FGFR3: variants seen among roughly 807,000 people sequenced by gnomAD.
FGFR3 encodes fibroblast growth factor receptor 3, also known as FGFR-3.
In FGFR3, 25 loss-of-function variants were observed where a neutral mutation model predicts 82.9. The observed-to-expected ratio is 0.30, with a 90% CI of 0.22 to 0.42. The LOEUF is 0.42. Ranked by LOEUF, FGFR3 falls within the 10% of genes least tolerant of loss-of-function variation. The pLI is 1.00. For missense variants in FGFR3, 1,026 were observed against 1,161.0 expected (o/e 0.88, Z 1.69); for synonymous variants, 620 against 516.0 (o/e 1.20, Z -2.73).
intron 7 of FGFR3, among the ~76,000 whole-genome samples, chr4:1,802,569 C>G (rs1013236406): frequency 3.3e-5 from 5 of 152,356 alleles, no homozygotes; most frequent in Middle Eastern, 3.4e-3. Context: ...AAGACGGTCT[C>G]TTGGGGGCGG....
chr4:1,795,899 C>A (rs1000480490), intron 2 of FGFR3, among the ~76,000 whole-genome samples: 1 of 152,182 alleles, frequency 6.6e-6, no homozygotes, highest in African/African-American at 2.4e-5. Context: ...CTGGGTGGTT[C>A]ATTAACCTGG....
intron 2 of FGFR3, 79 bp from the exon 3 acceptor site, chr4:1,799,175 C>T (rs923470017): frequency 6.2e-7 from 1 of 1,602,298 alleles, no homozygotes; most frequent in Non-Finnish European, 8.5e-7. Flanking sequence ...CTCAGGGCCG[C>T]CGAGGCTTCC....
At chr4:1,795,295 G>A (rs1312338881) in intron 2 of FGFR3, among the ~76,000 whole-genome samples, 6 of 152,120 alleles carry the variant, frequency 3.9e-5, no homozygotes, top group Admixed American at 3.9e-4. Flanking sequence ...TTCAGATAAA[G>A]ATATTACTCC....
Position 1,794,124 on chromosome 4 carries a change from G to C in FGFR3, c.109+81G>C, listed in dbSNP as rs1720176521. 3 of 798,826 alleles carry C rather than the reference G, an allele frequency of 3.8e-6. No homozygotes were observed. The East Asian group carries it at 1.1e-4, about 29-fold the overall frequency. 49.5% of individuals were successfully genotyped at this position (798,826 alleles called of 1,614,324 possible). A position where few individuals can be genotyped will look rare whatever the true frequency, so the allele number is the denominator to read the frequency against. On this transcript the variant is annotated intron_variant, in intron 2 of 17. Coordinates refer to ENST00000440486, the MANE Select transcript of FGFR3 (RefSeq NM_000142.5). ...GGGGACGGGAACCGGCCCCGGGTCG[G>C]AGGGGCCGCCGGGTGTGAGTGACGC...
chr4:1,798,492 A>G (rs937001332), intron 2 of FGFR3, among the ~76,000 whole-genome samples: 2 of 151,086 alleles, frequency 1.3e-5, no homozygotes, highest in African/African-American at 4.9e-5. Context: ...GAGCTTCCAT[A>G]GGAGCTGCAG....
rs146970233 is a variant in FGFR3, at chr4:1,804,360, C to T, written c.1106C>T (p.Ala369Val). Residue 369 changes from alanine (A) to valine (V), a missense_variant, in exon 9 of 18, where the codon GCG becomes GTG. Physicochemically the swap from Ala to Val is moderately conservative, Grantham distance 64. Around this residue, in one of 9 missense-constraint regions of FGFR3, gnomAD observed 256 missense variants for 217.6 expected, o/e 1.18. Transcript: ENST00000440486. ...AEEELVEADE[A>V]GSVYAGILSY... is the part of the protein sequence containing the mutation. ...GAGGAGCTGGTGGAGGCTGACGAGG[C>T]GGGCAGTGTGTATGCAGGCATCCTC... 31 of 1,611,404 alleles carry T rather than the reference C, an allele frequency of 1.9e-5. No homozygotes were observed. Among genetic ancestry groups the T allele is most frequent in the African/African-American group, 2.7e-5 (2 of 74,902 alleles).
At chr4:1,795,098 G>A (rs2108756234) in intron 2 of FGFR3, among the ~76,000 whole-genome samples, 1 of 152,042 alleles carries the variant, frequency 6.6e-6, no homozygotes, top group Admixed American at 6.5e-5. Context: ...GGCGGCTGCA[G>A]CCTCCCGGAA....
rs1721870767 is a variant in FGFR3, at chr4:1,806,040, C to T, written c.1837-11C>T. The stretch of plus-strand genomic sequence containing the variant: ...GAGAGGCTTCAGCCCTGCCTCCCAC[C>T]CCTTCCCCAGTGCATCCACAGGGAC... On this transcript the variant is annotated splice_polypyrimidine_tract_variant and intron_variant, in intron 13 of 17. Transcript: ENST00000440486. The T allele has an allele frequency of 1.9e-6, 3 of 1,613,264 alleles. No homozygotes were observed. The highest frequency in any genetic ancestry group is 2.5e-6 in the Non-Finnish European group (3 of 1,179,910).
At position 1,799,492 on chromosome 4, in the gene FGFR3, C is replaced by T. The variant is rs2305179; in HGVS notation, c.348C>T (p.Arg116=). 13,132 of 1,567,756 alleles carry T rather than the reference C, an allele frequency of 8.4e-3. 169 individuals are homozygous for T. Among genetic ancestry groups the T allele is most frequent in the African/African-American group, 0.04 (2,975 of 73,806 alleles). ...GCTGCCGGCAGCGGCTCACGCAGCG[C>T]GTACTGTGCCACTTCAGTGTGCGGG... The part of the protein sequence containing the change: ...AYSCRQRLTQ[R]VLCHFSVRVT... Residue 116 remains arginine, a synonymous_variant, in exon 3 of 18, where the codon CGC becomes CGT. Coordinates refer to ENST00000440486, the MANE Select transcript of FGFR3 (RefSeq NM_000142.5).
intron 2 of FGFR3, 115 bp downstream of exon 2, chr4:1,794,158 T>G: frequency 2.1e-6 from 1 of 487,168 alleles, no homozygotes; most frequent in Non-Finnish European, 3.3e-6. Context: ...GCCCCGGGGT[T>G]AGAGCCCGGA....
chr4:1,806,300 A>G lies in FGFR3; in HGVS notation c.2003A>G (p.Asp668Gly), dbSNP rs2108809003. 1 of 1,471,452 alleles carries G rather than the reference A, an allele frequency of 6.8e-7. No individual in the cohort carries two copies. The highest frequency in any genetic ancestry group is 9.1e-7 in the Non-Finnish European group (1 of 1,103,446). 91.1% of individuals were successfully genotyped at this position (1,471,452 alleles called of 1,614,324 possible). Residue 668 changes from aspartate (D) to glycine (G), a missense_variant, in exon 15 of 18, where the codon GAC (aspartate) becomes GGC (glycine). This residue lies in a region of FGFR3 where 45 missense variants were observed against 80.8 expected (regional missense o/e 0.56). Transcript: ENST00000440486. The stretch of plus-strand genomic sequence containing the variant: ...TGGATGGCGCCTGAGGCCTTGTTTG[A>G]CCGAGTCTACACTCACCAGAGTGAC... ...VKWMAPEALF[D>G]RVYTHQSDVW...
intron 2 of FGFR3, among the ~76,000 whole-genome samples, chr4:1,798,978 C>T (rs185810723): frequency 2.6e-5 from 4 of 152,356 alleles, no homozygotes; most frequent in African/African-American, 4.8e-5. Context: ...AGTGAAGCAT[C>T]ATGGGGCCAC....
chr4:1,794,064 C>T, intron 2 of FGFR3, 21 bp downstream of exon 2: 2 of 1,328,940 alleles, frequency 1.5e-6, no homozygotes, highest in Non-Finnish European at 2.0e-6. Context: ...ACCCACTAGG[C>T]ACGGGAGAGG....
At chr4:1,798,178 G>A (rs1003790766) in intron 2 of FGFR3, among the ~76,000 whole-genome samples, 13 of 152,042 alleles carry the variant, frequency 8.6e-5, no homozygotes, top group Non-Finnish European at 1.5e-4. Context: ...CTACTGGGGA[G>A]GGACCCAGGG....
chr4:1,793,672 G>A (rs1392912711), intron 1 of FGFR3, among the ~76,000 whole-genome samples, 161 bp from the exon 2 acceptor site: 1 of 149,368 alleles, frequency 6.7e-6, no homozygotes, highest in Non-Finnish European at 1.5e-5. Flanking sequence ...GAGGGACCGC[G>A]GCGGGGAGGA....
In FGFR3 at chr4:1,794,016, G is replaced by A. The variant is rs768021369; in HGVS notation, c.82G>A (p.Glu28Lys). 1.4e-6 allele frequency: 2 copies of A among 1,421,542 alleles called. No homozygotes were observed. Among genetic ancestry groups the A allele is most frequent in the South Asian group, 1.5e-5 (1 of 65,400 alleles). 88.1% of individuals were successfully genotyped at this position (1,421,542 alleles called of 1,614,324 possible). Residue 28 changes from glutamate to lysine, a missense_variant, in exon 2 of 18, where the codon GAG (glutamate) becomes AAG (lysine). By Grantham distance (56) the Glu-to-Lys change is moderately conservative. This residue lies in a region of FGFR3 where 226 missense variants were observed against 222.0 expected (regional missense o/e 1.02). Coordinates refer to ENST00000440486, the MANE Select transcript of FGFR3 (RefSeq NM_000142.5). ...CGCCTCCTCGGAGTCCTTGGGGACG[G>A]AGCAGCGCGTCGTGGGGCGAGCGGC... ...AGASSESLGT[E>K]QRVVGRAAEV...
intron 1 of FGFR3, 119 bp from the exon 2 acceptor site, chr4:1,793,714 G>GGGC (rs1199559434): frequency 6.8e-4 from 104 of 153,946 alleles, no homozygotes; most frequent in South Asian, 1.2e-3. Context: ...CGGGAGCCCT[G>GGGC]GGCGGCGGCG....
intron 7 of FGFR3, among the ~76,000 whole-genome samples, chr4:1,802,596 G>A (rs1391485104): frequency 2.0e-5 from 3 of 152,326 alleles, no homozygotes; most frequent in African/African-American, 2.4e-5. Context: ...GGCGCAGGGC[G>A]AGGGTGGAGT....
intron 16 of FGFR3, 60 bp downstream of exon 16, chr4:1,806,743 G>A (rs991459645): frequency 1.3e-6 from 2 of 1,598,564 alleles, no homozygotes; most frequent in Non-Finnish European, 1.7e-6. Context: ...TCCGGGGCTG[G>A]GCGGGGGAGG....
Sources: allele counts gnomAD v4.1 joint callset (sites outside exome capture counted in the v4.1 genomes callset), GRCh38; gene constraint gnomAD v4.1.1; regional missense constraint gnomAD v4.1.1; transcripts MANE v1.5; gene names NCBI Gene and HGNC (gene_info 2026-07-23, HGNC 2026-07-21).